SEZ6: variants seen among roughly 807,000 people sequenced by gnomAD.
SEZ6 encodes seizure related 6 homolog.
Under a neutral mutation model 101.0 loss-of-function variants are expected in SEZ6, and 53 were observed. The ratio of observed to expected loss-of-function variants is 0.52; its 90% CI spans 0.42 to 0.66. The LOEUF (loss-of-function observed/expected upper bound fraction) is 0.66. Among genes scored for constraint, SEZ6 ranks in the 30% least tolerant of loss-of-function variants. The pLI is 0.00. For synonymous variants in SEZ6, 488 were observed against 512.2 expected (o/e 0.95, Z 0.64); for missense variants, 1,102 against 1,289.4 (o/e 0.85, Z 2.23).
Position 28,957,091 on chromosome 17 carries a change from A to AG in SEZ6, c.2645dup (p.Gly883TrpfsTer8). On this transcript the variant is annotated frameshift_variant, in exon 13 of 17. Coordinates refer to ENST00000317338, the MANE Select transcript of SEZ6 (RefSeq NM_178860.5). LOFTEE classifies it high-confidence loss of function. ...GGTCACTCCAATGCGAGGGGTGCCC[A>AG]GGCACACACTTGATGCTGGCCTGGC... The AG allele has an allele frequency of 3.7e-6, 6 of 1,610,670 alleles. No individual in the cohort carries two copies. Among genetic ancestry groups the AG allele is most frequent in the Non-Finnish European group, 5.1e-6 (6 of 1,177,352 alleles).
intron 15 of SEZ6, 31 bp from the exon 16 acceptor site, chr17:28,956,292 G>C (rs768820396): frequency 7.5e-6 from 12 of 1,590,670 alleles, no homozygotes; most frequent in Non-Finnish European, 8.6e-6. Context: ...CAAGTCAGGA[G>C]CACTGGGTAG....
intron 4 of SEZ6, among the ~76,000 whole-genome samples, chr17:28,969,420 A>G (rs1349204989): frequency 6.6e-6 from 1 of 152,190 alleles, no homozygotes; most frequent in Admixed American, 6.5e-5. Flanking sequence ...GCATCCTGAC[A>G]TTGCCAGTGT....
At chr17:28,957,684 T>C (rs1049481502) in intron 11 of SEZ6, 145 bp from the exon 12 acceptor site, 5 of 963,858 alleles carry the variant, frequency 5.2e-6, no homozygotes, top group Non-Finnish European at 6.0e-6. Context: ...TATGCTAGTG[T>C]GTCCCCCCAT....
At chr17:28,989,883 A>G (rs925616700) in intron 1 of SEZ6, among the ~76,000 whole-genome samples, 2 of 152,092 alleles carry the variant, frequency 1.3e-5, no homozygotes, top group Non-Finnish European at 2.9e-5. Flanking sequence ...GCCTGGTGAA[A>G]CAACATGGTG....
At chr17:28,986,714 GA>G (rs2041389512) in intron 1 of SEZ6, among the ~76,000 whole-genome samples, 1 of 152,250 alleles carries the variant, frequency 6.6e-6, no homozygotes. Flanking sequence ...CAGTCAGCCA[GA>G]AAGCCTTGGG....
chr17:28,990,871 G>A (rs1420943661), intron 1 of SEZ6, among the ~76,000 whole-genome samples: 2 of 152,108 alleles, frequency 1.3e-5, no homozygotes, highest in Non-Finnish European at 1.5e-5. Flanking sequence ...GCTGATTTGA[G>A]TAGTAATAAA....
chr17:28,955,805 C>T lies in SEZ6; in HGVS notation c.*157G>A, dbSNP rs979232426. 3.6e-5 allele frequency: 31 copies of T among 863,712 alleles called. No homozygotes were observed. The highest frequency in any genetic ancestry group is 1.9e-4 in the South Asian group (13 of 69,854). 53.5% of individuals were successfully genotyped at this position (863,712 alleles called of 1,614,324 possible). ...AATAGGCCATGGTGGGCATCGCAGG[C>T]GGGGAAGGGCACAACTTCTTGAGGG... On this transcript the variant is annotated 3_prime_UTR_variant, in exon 17 of 17. Coordinates refer to ENST00000317338, the MANE Select transcript of SEZ6 (RefSeq NM_178860.5).
At chr17:28,998,033 G>T (rs558038191) in intron 1 of SEZ6, among the ~76,000 whole-genome samples, 1 of 151,980 alleles carries the variant, frequency 6.6e-6, no homozygotes, top group East Asian at 1.9e-4. Context: ...CTCAGCAGGT[G>T]GCTGCCTGGG....
chr17:28,955,979 C>CT lies in SEZ6; in HGVS notation c.2967dup (p.Gly990ArgfsTer125), dbSNP rs1325490005. 1 of 1,612,796 alleles carries CT rather than the reference C, an allele frequency of 6.2e-7. No homozygotes were observed. The highest frequency in any genetic ancestry group is 1.1e-5 in the South Asian group (1 of 90,738). The stretch of plus-strand genomic sequence containing the variant: ...TGGAGACTTCATATTCTCTCGTCTC[C>CT]TGCAAAGGAAAGAGACTGCTGGGAG... On this transcript the variant is annotated frameshift_variant, in exon 17 of 17. Coordinates refer to ENST00000317338, the MANE Select transcript of SEZ6 (RefSeq NM_178860.5). LOFTEE classifies it high-confidence loss of function.
At chr17:29,001,180 C>A (rs1218267147) in intron 1 of SEZ6, among the ~76,000 whole-genome samples, 2 of 152,206 alleles carry the variant, frequency 1.3e-5, no homozygotes, top group African/African-American at 2.4e-5. Flanking sequence ...GCTTGCTACG[C>A]AAACTCAGCT....
intron 11 of SEZ6, chr17:28,957,741 C>T: frequency 1.2e-6 from 1 of 845,428 alleles, no homozygotes; most frequent in Non-Finnish European, 1.8e-6. Flanking sequence ...GATTGGCCAT[C>T]TACCAGGAAT....
chr17:28,956,419 G>A lies in SEZ6; in HGVS notation c.2780C>T (p.Ala927Val), dbSNP rs1380970427. ...ASSTLDAAHI[A>V]AAIFLPLVAM... ...CACCAGTGGCAAGAAGATGGCAGCTGCAATGTGGGCAGCATCCAGGGTGCT... is the reference window on the plus strand; with the variant it reads ...CACCAGTGGCAAGAAGATGGCAGCTACAATGTGGGCAGCATCCAGGGTGCT... The change falls in exon 15 of 17, where the codon GCA becomes GTA. Residue 927 changes from alanine (A) to valine (V), a missense_variant. By Grantham distance (64) the Ala-to-Val change is moderately conservative. Coordinates refer to ENST00000317338, the MANE Select transcript of SEZ6 (RefSeq NM_178860.5). The A allele has an allele frequency of 6.4e-7, 1 of 1,566,196 alleles. No homozygotes were observed. The highest frequency in any genetic ancestry group is 8.7e-7 in the Non-Finnish European group (1 of 1,155,462).
chr17:28,958,220 G>T, intron 10 of SEZ6, 79 bp from the exon 11 acceptor site: 1 of 1,500,270 alleles, frequency 6.7e-7, no homozygotes, highest in Non-Finnish European at 9.0e-7. Context: ...GGGCACTCTG[G>T]CTCCTGCTAG....
In SEZ6 at chr17:29,005,078, GGTGTGT is replaced by G. The variant is rs58063439; in HGVS notation, c.55+731_55+736del. On this transcript the variant is annotated intron_variant, in intron 1 of 16. Transcript: ENST00000317338. This position sits in a 1 kb window ranked among gnomAD's most constrained non-coding sequence, Gnocchi z 4.8. ...GGAGGGAGGCAGAGCTCGGGGCAGT[GGTGTGT>G]GTGTGTGTGTGTGTGTGTGTGTGTG... Among the ~76,000 whole-genome samples, 3,685 of 137,666 alleles carry G rather than the reference GGTGTGT, an allele frequency of 0.027. 52 individuals are homozygous for G. Among genetic ancestry groups the G allele is most frequent in the Non-Finnish European group, 0.031 (1,969 of 63,652 alleles). The allele number at this position is 137,666 out of a possible 152,430, so 90.3% of individuals were successfully genotyped here.
At chr17:28,984,323 C>T (rs751095033) in intron 1 of SEZ6, among the ~76,000 whole-genome samples, 1 of 152,198 alleles carries the variant, frequency 6.6e-6, no homozygotes, top group Non-Finnish European at 1.5e-5. Context: ...TCTAGCATGG[C>T]GCAAGGAAGG....
rs777038199 is a variant in SEZ6 at position 28,958,140 on chromosome 17, C to T, written c.2109G>A (p.Glu703=). Residue 703 remains glutamate (E), a splice_region_variant and synonymous_variant, in exon 11 of 17, where the codon GAG becomes GAA. Transcript: ENST00000317338. ...CCGGACATGTGTCATTGCGGGGCACCTCTGGGGGCACAGAGGCACAAGATG... is the reference window on the plus strand; with the variant it reads ...CCGGACATGTGTCATTGCGGGGCACTTCTGGGGGCACAGAGGCACAAGATG... The part of the protein sequence containing the change: ...YQQGFVIHFF[E]VPRNDTCPEL... 7.6e-6 allele frequency: 12 copies of T among 1,587,802 alleles called. No homozygotes were observed. The highest frequency in any genetic ancestry group is 1.3e-5 in the African/African-American group (1 of 74,520).
intron 4 of SEZ6, among the ~76,000 whole-genome samples, chr17:28,964,943 CT>C (rs1443305638): frequency 6.6e-6 from 1 of 152,074 alleles, no homozygotes; most frequent in Non-Finnish European, 1.5e-5. Context: ...GTAATCCCAG[CT>C]ACGGGGGAGG....
chr17:28,983,766 AAC>A (rs887428123), intron 1 of SEZ6, among the ~76,000 whole-genome samples: 1 of 152,088 alleles, frequency 6.6e-6, no homozygotes, highest in Non-Finnish European at 1.5e-5. Flanking sequence ...CTTGAAGGGA[AAC>A]ACAGCCGGGG....
At chr17:28,998,339 G>T (rs1039691958) in intron 1 of SEZ6, among the ~76,000 whole-genome samples, 1 of 151,954 alleles carries the variant, frequency 6.6e-6, no homozygotes. Context: ...AGAAGAGCCT[G>T]TTGAGAGGGG....
Sources: gnomAD v4.1 joint callset for allele counts (sites outside exome capture counted in the v4.1 genomes callset) on GRCh38, gnomAD v4.1.1 for gene constraint, Gnocchi (gnomAD v3.1) non-coding constraint, MANE v1.5 for transcripts, NCBI Gene and HGNC (gene_info 2026-07-23, HGNC 2026-07-21) for gene names.